TOPORS: variants seen among roughly 807,000 people sequenced by gnomAD.
The protein encoded by TOPORS is E3 ubiquitin-protein ligase Topors.
TOPORS carries 25 observed loss-of-function variants against 81.4 expected under a neutral mutation model. The observed-to-expected ratio is 0.31, with a 90% confidence interval of 0.22 to 0.43. TOPORS has a LOEUF of 0.43. TOPORS is among the 20% of genes least tolerant of loss of function. The probability of loss-of-function intolerance (pLI) is 1.00; values close to 1 mark genes in which losing one functional copy is unlikely to be tolerated. For synonymous variants in TOPORS, 473 were observed against 456.6 expected (o/e 1.04, Z -0.46); for missense variants, 1,101 against 1,267.0 (o/e 0.87, Z 1.99).
rs183953517 is a variant in TOPORS, at chr9:32,551,211, T to G, written c.4-243A>C. 5.8e-4 allele frequency: 350 copies of G among 602,358 alleles called. 2 individuals are homozygous for G. The highest frequency in any genetic ancestry group is 5.7e-3 in the African/African-American group (311 of 54,122). 37.3% of individuals were successfully genotyped at this position (602,358 alleles called of 1,614,324 possible). A position where few individuals can be genotyped will look rare whatever the true frequency, so the allele number is the denominator to read the frequency against. On this transcript the variant is annotated intron_variant, in intron 1 of 2. Coordinates refer to ENST00000360538, the MANE Select transcript of TOPORS (RefSeq NM_005802.5). ...CATCTTGTTACTGGTACTCAGCCACTGGGGACACTGACTGAATGTTCGCCC... is the reference window on the plus strand; with the variant it reads ...CATCTTGTTACTGGTACTCAGCCACGGGGGACACTGACTGAATGTTCGCCC...
rs1332231397 is a variant in TOPORS, at chr9:32,541,421, G to A, written c.3104C>T (p.Ser1035Leu). Residue 1035 changes from serine (S) to leucine (L), a missense_variant, in exon 3 of 3, where the codon TCA becomes TTA. This residue lies in a region of TOPORS where 605 missense variants were observed against 636.1 expected (regional missense o/e 0.95). Coordinates refer to ENST00000360538, the MANE Select transcript of TOPORS (RefSeq NM_005802.5). The stretch of plus-strand genomic sequence containing the variant: ...ATCACAGTCTCTACCAAGACATACT[G>A]ACATTAATGATGTCCGTGGCGATGG... ...QLPSPRTSLM[S>L]VCLGRDCDMS is the part of the protein sequence containing the mutation. 2 of 1,614,126 alleles carry A rather than the reference G, an allele frequency of 1.2e-6. No homozygotes were observed. Among genetic ancestry groups the A allele is most frequent in the East Asian group, 2.2e-5 (1 of 44,878 alleles).
Position 32,543,820 on chromosome 9 carries a change from T to G in TOPORS, c.705A>C (p.Ala235=). The change falls in exon 3 of 3, where the codon GCA becomes GCC. Residue 235 remains alanine, a synonymous_variant. Coordinates refer to ENST00000360538, the MANE Select transcript of TOPORS (RefSeq NM_005802.5). This position sits in a 1 kb window ranked among gnomAD's most constrained non-coding sequence, Gnocchi z 5.6. ...CATCTGCCGTAGTTGGCCTCCTTAC[T>G]GCAATCTGTCTCATAAACTGAGGAA... ...VEIPQFMRQI[A]VRRPTTADER... is the part of the protein sequence containing the mutation. 6.2e-7 allele frequency: 1 copy of G among 1,614,088 alleles called. No individual in the cohort carries two copies. Among genetic ancestry groups the G allele is most frequent in the Non-Finnish European group, 8.5e-7 (1 of 1,179,982 alleles).
rs1005262246 is a variant in TOPORS at position 32,542,208 on chromosome 9, A to G, written c.2317T>C (p.Ser773Pro). 6.2e-7 allele frequency: 1 copy of G among 1,614,194 alleles called. No homozygotes were observed. Residue 773 changes from serine to proline, a missense_variant, in exon 3 of 3, where the codon TCT (serine) becomes CCT (proline). Physicochemically the swap from Ser to Pro is moderately conservative, Grantham distance 74 (BLOSUM62 -1). This residue lies in a region of TOPORS where 605 missense variants were observed against 636.1 expected (regional missense o/e 0.95). Coordinates refer to ENST00000360538, the MANE Select transcript of TOPORS (RefSeq NM_005802.5). ...GATGCAGTCCTTGATCTGTTACTAG[A>G]CAGGCTCCTTGATCTGTGCCTTTCA... is the stretch of plus-strand genomic sequence containing the variant. ...YYERHRSRSL[S>P]SNRSRTASTG...
In TOPORS at chr9:32,552,468, A is replaced by T; in HGVS notation, c.-32T>A. 6.3e-7 allele frequency: 1 copy of T among 1,599,630 alleles called. No homozygotes were observed. The highest frequency in any genetic ancestry group is 1.1e-5 in the South Asian group (1 of 88,888). On this transcript the variant is annotated 5_prime_UTR_variant, in exon 1 of 3. Transcript: ENST00000360538. ...AGTAAGTCGTCGCACGCTGGACTGG[A>T]TTTATTCAGTGGTAAGTCCCGGGGA...
rs751404670 is a variant in TOPORS, at chr9:32,541,405, T to C, written c.3120A>G (p.Arg1040=). The C allele has an allele frequency of 6.2e-6, 10 of 1,614,210 alleles. No individual in the cohort carries two copies. The highest frequency in any genetic ancestry group is 1.1e-5 in the South Asian group (1 of 91,086). The change falls in exon 3 of 3, where the codon AGA becomes AGG. Residue 1040 remains arginine (R), a synonymous_variant. Coordinates refer to ENST00000360538, the MANE Select transcript of TOPORS (RefSeq NM_005802.5). ...GGCAGTTTTAAGACATATCACAGTCTCTACCAAGACATACTGACATTAATG... is the reference window on the plus strand; with the variant it reads ...GGCAGTTTTAAGACATATCACAGTCCCTACCAAGACATACTGACATTAATG... ...RTSLMSVCLG[R]DCDMS
rs759688322 is a variant in TOPORS, at chr9:32,541,985, C to T, written c.2540G>A (p.Arg847Gln). 1.1e-5 allele frequency: 18 copies of T among 1,613,604 alleles called. No individual in the cohort carries two copies. Among genetic ancestry groups the T allele is most frequent in the Middle Eastern group, 1.6e-4 (1 of 6,084 alleles). ...KNESDTFSDSRSSDRETKHKR... is the reference protein window; with the variant it reads ...KNESDTFSDSQSSDRETKHKR... The stretch of plus-strand genomic sequence containing the variant: ...GTGTTTTGTCTCTCTGTCTGATGAT[C>T]GGCTGTCTGAAAAGGTATCACTCTC... Residue 847 changes from arginine (R) to glutamine (Q), a missense_variant, in exon 3 of 3, where the codon CGA (arginine) becomes CAA (glutamine). Physicochemically the swap from Arg to Gln is conservative, Grantham distance 43. Coordinates refer to ENST00000360538, the MANE Select transcript of TOPORS (RefSeq NM_005802.5).
rs767534753 is a variant in TOPORS, at chr9:32,542,234, T to G, written c.2291A>C (p.Tyr764Ser). 1.9e-6 allele frequency: 3 copies of G among 1,614,230 alleles called. 1 individual carries two copies. In the South Asian group the frequency reaches 3.3e-5, roughly 18 times the overall value. ...CAGGCTCCTTGATCTGTGCCTTTCA[T>G]AGTAGTAATACTTCCTCTCACTGTG... is the stretch of plus-strand genomic sequence containing the variant. ...NNHSERKYYY[Y>S]ERHRSRSLSS... Residue 764 changes from tyrosine to serine, a missense_variant, in exon 3 of 3, where the codon TAT becomes TCT. Physicochemically the swap from Tyr to Ser is moderately radical, Grantham distance 144. Around this residue, in one of 9 missense-constraint regions of TOPORS, gnomAD observed 605 missense variants for 636.1 expected, o/e 0.95. Coordinates refer to ENST00000360538, the MANE Select transcript of TOPORS (RefSeq NM_005802.5).
chr9:32,547,520 A>G (rs1023710678), intron 2 of TOPORS, among the ~76,000 whole-genome samples: 1 of 152,232 alleles, frequency 6.6e-6, no homozygotes, highest in Non-Finnish European at 1.5e-5. Flanking sequence ...TTTGGCAATA[A>G]AAAGGAACAA....
Position 32,541,549 on chromosome 9 carries a change from A to C in TOPORS, c.2976T>G (p.Val992=). ...CTTCTCTTACATCGAGAGTTTGTTCAACTGAAGCTGCCAGAGGTGGAATAT... is the reference window on the plus strand; with the variant it reads ...CTTCTCTTACATCGAGAGTTTGTTCCACTGAAGCTGCCAGAGGTGGAATAT... ...VDNIPPLAAS[V]EQTLDVREES... Residue 992 remains valine (V), a synonymous_variant, in exon 3 of 3, where the codon GTT becomes GTG. Coordinates refer to ENST00000360538, the MANE Select transcript of TOPORS (RefSeq NM_005802.5). The C allele has an allele frequency of 1.9e-6, 3 of 1,614,232 alleles. No individual in the cohort carries two copies. The highest frequency in any genetic ancestry group is 2.5e-6 in the Non-Finnish European group (3 of 1,180,034).
Position 32,543,210 on chromosome 9 carries a change from A to G in TOPORS, c.1315T>C (p.Leu439=). Residue 439 remains leucine (L), a synonymous_variant, in exon 3 of 3, where the codon TTA becomes CTA. Coordinates refer to ENST00000360538, the MANE Select transcript of TOPORS (RefSeq NM_005802.5). This position sits in a 1 kb window ranked among gnomAD's most constrained non-coding sequence, Gnocchi z 5.6. The stretch of plus-strand genomic sequence containing the variant: ...TCATCTGAACTGTCAGAAGTATTTA[A>G]AAGAGAAGACATAGTAACGTGTACC... The part of the protein sequence containing the change: ...EQVHVTMSSL[L]NTSDSSDEEL... The G allele has an allele frequency of 1.2e-6, 2 of 1,613,702 alleles. No individual in the cohort carries two copies. Among genetic ancestry groups the G allele is most frequent in the South Asian group, 1.1e-5 (1 of 91,088 alleles).
Position 32,541,661 on chromosome 9 carries a change from A to G in TOPORS, c.2864T>C (p.Ile955Thr), listed in dbSNP as rs1821061028. 5 of 1,614,194 alleles carry G rather than the reference A, an allele frequency of 3.1e-6. No homozygotes were observed. The highest frequency in any genetic ancestry group is 2.7e-5 in the African/African-American group (2 of 75,052). The change falls in exon 3 of 3, where the codon ATA (isoleucine) becomes ACA (threonine). Residue 955 changes from isoleucine to threonine, a missense_variant. Around this residue, in one of 9 missense-constraint regions of TOPORS, gnomAD observed 605 missense variants for 636.1 expected, o/e 0.95. Coordinates refer to ENST00000360538, the MANE Select transcript of TOPORS (RefSeq NM_005802.5). ...EPFETKDVVT[I>T]EAEFGVLDKE... is the part of the protein sequence containing the mutation. ...GTCCAGCACACCAAATTCAGCTTCTATTGTAACTACATCTTTAGTTTCAAA... is the reference window on the plus strand; with the variant it reads ...GTCCAGCACACCAAATTCAGCTTCTGTTGTAACTACATCTTTAGTTTCAAA...
chr9:32,547,042 CAAACA>C (rs1821149500), intron 2 of TOPORS, among the ~76,000 whole-genome samples: 1 of 25,974 alleles, frequency 3.9e-5, no homozygotes, highest in Admixed American at 2.7e-4. Context: ...TGTTTCAAAA[CAAACA>C]AACAAACAAA....
rs1821108923 is a variant in TOPORS at position 32,543,940 on chromosome 9, A to T, written c.585T>A (p.Pro195=). 3.7e-6 allele frequency: 6 copies of T among 1,614,136 alleles called. No individual in the cohort carries two copies. The Middle Eastern group carries it at 9.9e-4, about 266-fold the overall frequency. Residue 195 remains proline, a synonymous_variant, in exon 3 of 3, where the codon CCT becomes CCA. Coordinates refer to ENST00000360538, the MANE Select transcript of TOPORS (RefSeq NM_005802.5). The surrounding 1 kb of genome is among the most constrained non-coding windows in gnomAD (Gnocchi z 5.6). The part of the protein sequence containing the change: ...TRERNASVYS[P]SGPVNRRTTT... ...TTGTTCTTCTGTTCACAGGACCACTAGGTGAATACACAGAAGCATTTCGTT... is the reference window on the plus strand; with the variant it reads ...TTGTTCTTCTGTTCACAGGACCACTTGGTGAATACACAGAAGCATTTCGTT...
chr9:32,548,130 G>A (rs948596251), intron 2 of TOPORS, among the ~76,000 whole-genome samples: 2 of 150,342 alleles, frequency 1.3e-5, no homozygotes, highest in East Asian at 4.0e-4. Flanking sequence ...GATTACAGGC[G>A]TAAGCCACCG....
At position 32,541,738 on chromosome 9, in the gene TOPORS, A is replaced by T. The variant is rs760550286; in HGVS notation, c.2787T>A (p.Ser929Arg). 1 of 1,614,222 alleles carries T rather than the reference A, an allele frequency of 6.2e-7. No homozygotes were observed. Among genetic ancestry groups the T allele is most frequent in the Non-Finnish European group, 8.5e-7 (1 of 1,180,034 alleles). ...EVKEDTECDN[S>R]GPQDPLQNEF... ...CATTTTGTAGAGGGTCTTGAGGACC[A>T]CTATTGTCACATTCTGTATCCTCCT... The change falls in exon 3 of 3, where the codon AGT becomes AGA. Residue 929 changes from serine to arginine, a missense_variant. Physicochemically the swap from Ser to Arg is moderately radical, Grantham distance 110. Coordinates refer to ENST00000360538, the MANE Select transcript of TOPORS (RefSeq NM_005802.5).
rs147497536 is a variant in TOPORS at position 32,542,507 on chromosome 9, C to T, written c.2018G>A (p.Arg673His). The stretch of plus-strand genomic sequence containing the variant: ...TCTTCTTTTACCATGATCACTGCTA[C>T]GAGACCTTGATCTGCTTGTGCTTTC... ...SSESTSRSRSRSSDHGKRRSR... is the reference protein window; with the variant it reads ...SSESTSRSRSHSSDHGKRRSR... Residue 673 changes from arginine to histidine, a missense_variant, in exon 3 of 3, where the codon CGT becomes CAT. By Grantham distance (29) the Arg-to-His change is conservative (BLOSUM62 0). Coordinates refer to ENST00000360538, the MANE Select transcript of TOPORS (RefSeq NM_005802.5). 9 of 1,613,882 alleles carry T rather than the reference C, an allele frequency of 5.6e-6. No homozygotes were observed. Among genetic ancestry groups the T allele is most frequent in the East Asian group, 4.5e-5 (2 of 44,872 alleles).
In TOPORS at chr9:32,544,149, G is replaced by A. The variant is rs757491435; in HGVS notation, c.376C>T (p.Arg126Cys). The change falls in exon 3 of 3, where the codon CGC becomes TGC. Residue 126 changes from arginine (R) to cysteine (C), a missense_variant. Physicochemically the swap from Arg to Cys is radical, Grantham distance 180. Coordinates refer to ENST00000360538, the MANE Select transcript of TOPORS (RefSeq NM_005802.5). ...LDRCLHKFCF[R>C]CVQEWSKNKA... The stretch of plus-strand genomic sequence containing the variant: ...TTTTTTGACCACTCCTGTACACAGC[G>A]AAAACAGAACTTATGTAAGCAGCGA... The A allele has an allele frequency of 1.3e-5, 21 of 1,613,986 alleles. No homozygotes were observed. The highest frequency in any genetic ancestry group is 1.7e-5 in the Non-Finnish European group (20 of 1,180,026).
rs191337644 is a variant in TOPORS, at chr9:32,541,363, T to C, written c.*24A>G. 11 of 1,612,182 alleles carry C rather than the reference T, an allele frequency of 6.8e-6. 1 individual carries two copies. The African/African-American group carries it at 1.3e-4, about 20-fold the overall frequency. ...TTTTTCCTTTTTATAACATCATAAT[T>C]CTCAATGAAATGCTTTGGCAGTTTT... On this transcript the variant is annotated 3_prime_UTR_variant, in exon 3 of 3. Coordinates refer to ENST00000360538, the MANE Select transcript of TOPORS (RefSeq NM_005802.5).
In TOPORS at chr9:32,543,983, C is replaced by T. The variant is rs754411196; in HGVS notation, c.542G>A (p.Arg181His). Residue 181 changes from arginine (R) to histidine (H), a missense_variant, in exon 3 of 3, where the codon CGT (arginine) becomes CAT (histidine). Arg to His is a conservative substitution (Grantham distance 29). This residue lies in a region of TOPORS where 120 missense variants were observed against 115.4 expected (regional missense o/e 1.04). Transcript: ENST00000360538. The surrounding 1 kb of genome is among the most constrained non-coding windows in gnomAD (Gnocchi z 5.6). ...FVTPDRRFRY[R>H]TTLTRERNAS... ...ATTTCGTTCCCTTGTCAGAGTTGTA[C>T]GGTAGCGAAATCGTCGATCAGGGGT... 9 of 1,613,962 alleles carry T rather than the reference C, an allele frequency of 5.6e-6. No homozygotes were observed. Among genetic ancestry groups the T allele is most frequent in the African/African-American group, 1.3e-5 (1 of 74,894 alleles).
Sources: allele counts gnomAD v4.1 joint callset (sites outside exome capture counted in the v4.1 genomes callset), GRCh38; gene constraint gnomAD v4.1.1; regional missense constraint gnomAD v4.1.1; non-coding constraint Gnocchi (gnomAD v3.1); transcripts MANE v1.5; gene names NCBI Gene and HGNC (gene_info 2026-07-23, HGNC 2026-07-21).